The following SPOP variants were observed in gnomAD, a reference collection of about 807,000 sequenced individuals.
SPOP encodes the protein speckle type BTB/POZ protein.
A neutral mutation model predicts 45.6 loss-of-function variants in SPOP; 11 were observed. The ratio of observed to expected loss-of-function variants is 0.24; its 90% confidence interval spans 0.15 to 0.40. The LOEUF is 0.40. Ranked by LOEUF, SPOP falls within the 10% of genes least tolerant of loss-of-function variation. The pLI, the probability that SPOP is intolerant of heterozygous loss-of-function variation, is 1.00. For missense variants in SPOP, 152 were observed against 465.6 expected (o/e 0.33, Z 6.20); for synonymous variants, 166 against 166.3 (o/e 1.00, Z 0.01).
At chr17:49,670,492 T>C (rs999983941) in intron 1 of SPOP, among the ~76,000 whole-genome samples, 2 of 152,184 alleles carry the variant, frequency 1.3e-5, no homozygotes, top group African/African-American at 4.8e-5. Context: ...CAGATAAATA[T>C]CAGAATACTG....
At chr17:49,670,866 A>AT (rs2073127139) in intron 1 of SPOP, among the ~76,000 whole-genome samples, 1 of 152,190 alleles carries the variant, frequency 6.6e-6, no homozygotes, top group Non-Finnish European at 1.5e-5. Flanking sequence ...AAATCTAGTA[A>AT]TAAAAAAAAT....
chr17:49,653,930 G>A (rs1236001829), intron 1 of SPOP, among the ~76,000 whole-genome samples: 2 of 151,836 alleles, frequency 1.3e-5, no homozygotes, highest in Non-Finnish European at 2.9e-5. Context: ...AGAAGATACA[G>A]ACAGAAAAAA....
intron 1 of SPOP, among the ~76,000 whole-genome samples, chr17:49,656,907 C>T (rs1174139812): frequency 1.3e-5 from 2 of 152,184 alleles, no homozygotes; most frequent in African/African-American, 4.8e-5. Context: ...TTAGGCCAGG[C>T]GCAGTGGCTC....
At chr17:49,632,442 G>A (rs1289299589) in intron 1 of SPOP, among the ~76,000 whole-genome samples, 1 of 151,978 alleles carries the variant, frequency 6.6e-6, no homozygotes, top group Non-Finnish European at 1.5e-5. Flanking sequence ...TACCATTACA[G>A]CAGCTGTCAG....
intron 1 of SPOP, among the ~76,000 whole-genome samples, chr17:49,634,762 C>G (rs180997191): frequency 6.6e-6 from 1 of 152,298 alleles, no homozygotes; most frequent in East Asian, 1.9e-4. Context: ...AAAAATATTT[C>G]TTGCTAACAT....
At chr17:49,658,115 G>T (rs1220534645) in intron 1 of SPOP, among the ~76,000 whole-genome samples, 2 of 152,088 alleles carry the variant, frequency 1.3e-5, no homozygotes, top group African/African-American at 4.8e-5. Flanking sequence ...ACTTTGAGAA[G>T]TTATTTTTTT....
At chr17:49,612,382 C>T (rs1162761228) in intron 5 of SPOP, among the ~76,000 whole-genome samples, 1 of 152,188 alleles carries the variant, frequency 6.6e-6, no homozygotes, top group African/African-American at 2.4e-5. Context: ...GGGTGAGTAT[C>T]CCACACTTTT....
intron 1 of SPOP, among the ~76,000 whole-genome samples, chr17:49,662,443 A>G (rs1025097996): frequency 2.6e-4 from 40 of 152,194 alleles, no homozygotes; most frequent in Non-Finnish European, 3.1e-4. Context: ...GCACTTTGGG[A>G]GGCCCAGGCG....
intron 1 of SPOP, among the ~76,000 whole-genome samples, chr17:49,674,093 G>T (rs1454543751): frequency 2.0e-5 from 3 of 152,120 alleles, no homozygotes; most frequent in Non-Finnish European, 4.4e-5. Context: ...GTTGCGGTGA[G>T]TCGAGATTGC....
chr17:49,666,452 C>CAG (rs1382164956), intron 1 of SPOP, among the ~76,000 whole-genome samples: 10 of 15,006 alleles, frequency 6.7e-4, no homozygotes, highest in African/African-American at 1.7e-3. Flanking sequence ...AAGACAGACA[C>CAG]ACACACACAC....
intron 1 of SPOP, among the ~76,000 whole-genome samples, chr17:49,660,258 C>T (rs2072969544): frequency 6.6e-6 from 1 of 152,218 alleles, no homozygotes; most frequent in African/African-American, 2.4e-5. Flanking sequence ...ATGGCAGGCA[C>T]ATACATACCT....
In SPOP at chr17:49,656,027, G is replaced by A. The variant is rs1271645363; in HGVS notation, c.-67+21906C>T. Reference sequence around the variant, plus strand: ...GGGTTTCTCCATGTTGGTCAGGCTGGTCTCGAACTCCTGACCTTAGGTGAT... The same window carrying A: ...GGGTTTCTCCATGTTGGTCAGGCTGATCTCGAACTCCTGACCTTAGGTGAT... On this transcript the variant is annotated intron_variant, in intron 1 of 9. Transcript: ENST00000504102. 1.3e-5 allele frequency among the ~76,000 whole-genome samples: 2 copies of A among 152,034 alleles called. 1 individual carries two copies. The highest frequency in any genetic ancestry group is 3.9e-4 in the East Asian group (2 of 5,190).
chr17:49,612,523 A>G (rs1453633389), intron 5 of SPOP, among the ~76,000 whole-genome samples: 1 of 152,258 alleles, frequency 6.6e-6, no homozygotes, highest in East Asian at 1.9e-4. Context: ...TGGCTTCAGC[A>G]GAAGCATGTT....
rs548677073 is a variant in SPOP, at chr17:49,635,500, GGA to G, written c.-66-12626_-66-12625del. 5.3e-5 allele frequency among the ~76,000 whole-genome samples: 8 copies of G among 152,166 alleles called. No homozygotes were observed. In the East Asian group the frequency reaches 1.4e-3, roughly 26 times the overall value. On this transcript the variant is annotated intron_variant, in intron 1 of 9. Transcript: ENST00000504102. ...GTTTTCAGATGTTACACAAAATGGT[GGA>G]GAGTTTTTTTTCTGTAAGTTACCCA...
rs562418767 is a variant in SPOP, at chr17:49,644,101, C to G, written c.-66-21225G>C. Among the ~76,000 whole-genome samples, 133 of 152,108 alleles carry G rather than the reference C, an allele frequency of 8.7e-4. 1 individual carries two copies. In the South Asian group the frequency reaches 0.019, roughly 22 times the overall value. ...ACAAAGCTGGCCAGGTGCTGTGGCT[C>G]ACACCTGTAATCCCAACACTTTGGG... On this transcript the variant is annotated intron_variant, in intron 1 of 9. Coordinates refer to ENST00000504102, the MANE Select transcript of SPOP (RefSeq NM_001007228.2).
intron 8 of SPOP, among the ~76,000 whole-genome samples, chr17:49,602,784 A>C (rs1272821667): frequency 1.3e-5 from 2 of 152,200 alleles, no homozygotes; most frequent in Non-Finnish European, 2.9e-5. Context: ...CTTCAGTTTA[A>C]AAACTTGTAT....
chr17:49,668,822 A>G (rs535141898), intron 1 of SPOP, among the ~76,000 whole-genome samples: 64 of 148,970 alleles, frequency 4.3e-4, no homozygotes, highest in Non-Finnish European at 6.1e-4. Flanking sequence ...TGTCACCCAG[A>G]CTGGAGTGCA....
intron 3 of SPOP, chr17:49,620,766 T>A (rs1156419578): frequency 6.5e-6 from 1 of 154,144 alleles, no homozygotes; most frequent in Non-Finnish European, 1.5e-5. Flanking sequence ...GCACTGCTTC[T>A]ACCACATGCA....
At chr17:49,659,940 C>T (rs2072964710) in intron 1 of SPOP, among the ~76,000 whole-genome samples, 1 of 152,204 alleles carries the variant, frequency 6.6e-6, no homozygotes, top group African/African-American at 2.4e-5. Flanking sequence ...TCCTCTTCCT[C>T]AACCCCCACA....
Sources: allele counts gnomAD v4.1 joint callset (sites outside exome capture counted in the v4.1 genomes callset), GRCh38; gene constraint gnomAD v4.1.1; transcripts MANE v1.5; gene names NCBI Gene and HGNC (gene_info 2026-07-23, HGNC 2026-07-21).